Variants in SNTG1 observed in about 807,000 individuals in gnomAD.
The protein encoded by SNTG1 is syntrophin gamma 1.
SNTG1 carries 39 observed loss-of-function variants against 74.7 expected under a neutral mutation model. The observed-to-expected ratio is 0.52, with a 90% CI of 0.40 to 0.68. The LOEUF is 0.68. SNTG1 is among the 30% of genes least tolerant of loss of function. SNTG1 has a pLI of 0.00. For missense variants in SNTG1, 685 were observed against 609.5 expected (o/e 1.12, Z -1.30); for synonymous variants, 254 against 217.1 (o/e 1.17, Z -1.49).
intron 1 of SNTG1, among the ~76,000 whole-genome samples, chr8:50,000,346 C>T (rs537041882): frequency 1.4e-4 from 22 of 152,224 alleles, no homozygotes; most frequent in African/African-American, 4.8e-4. Flanking sequence ...CTATCAAGCT[C>T]TATTCCTCCG....
intron 8 of SNTG1, among the ~76,000 whole-genome samples, chr8:50,471,429 T>G (rs2131747090): frequency 6.6e-6 from 1 of 152,288 alleles, no homozygotes; most frequent in Non-Finnish European, 1.5e-5. Context: ...TACTACAACC[T>G]TATTAGAATG....
At chr8:50,114,244 T>TA (rs1370170684) in intron 1 of SNTG1, among the ~76,000 whole-genome samples, 2 of 152,286 alleles carry the variant, frequency 1.3e-5, no homozygotes, top group Admixed American at 6.5e-5. Context: ...GGTAATTATC[T>TA]AAAAAATAAA....
chr8:50,479,496 G>A (rs1009752074), intron 8 of SNTG1, among the ~76,000 whole-genome samples: 31 of 151,986 alleles, frequency 2.0e-4, no homozygotes, highest in Admixed American at 4.6e-4. Flanking sequence ...GAATATTCTC[G>A]GTTTCTTTCT....
Position 50,731,098 on chromosome 8 carries a change from T to C in SNTG1, c.1285-20903T>C, listed in dbSNP as rs183933680. Among the ~76,000 whole-genome samples the C allele has an allele frequency of 9.1e-4, 138 of 152,236 alleles. 2 individuals carry two copies. Among genetic ancestry groups the C allele is most frequent in the Middle Eastern group, 6.8e-3 (2 of 294 alleles). On this transcript the variant is annotated intron_variant, in intron 17 of 18. Coordinates refer to ENST00000642720, the MANE Select transcript of SNTG1 (RefSeq NM_018967.5). Reference sequence around the variant, plus strand: ...ATAAAATTCAGATTACATTTTAGGGTTTGTGGCTCTGAGCTCAGTATTCAT... The same window carrying C: ...ATAAAATTCAGATTACATTTTAGGGCTTGTGGCTCTGAGCTCAGTATTCAT...
At chr8:50,382,848 C>A (rs1007869739) in intron 2 of SNTG1, among the ~76,000 whole-genome samples, 9 of 152,236 alleles carry the variant, frequency 5.9e-5, no homozygotes, top group African/African-American at 2.2e-4. Flanking sequence ...TGTGGGCTGG[C>A]AAGTCCAAAT....
chr8:50,050,502 T>A (rs143917901), intron 1 of SNTG1, among the ~76,000 whole-genome samples: 1 of 152,080 alleles, frequency 6.6e-6, no homozygotes, highest in South Asian at 2.1e-4. Context: ...TGTGTTTACT[T>A]GTGTATTCTT....
intron 18 of SNTG1, among the ~76,000 whole-genome samples, chr8:50,752,657 T>G (rs2095570587): frequency 1.3e-5 from 2 of 151,934 alleles, no homozygotes; most frequent in African/African-American, 4.8e-5. Flanking sequence ...ACATGAAAGC[T>G]CAATATAATT....
intron 15 of SNTG1, among the ~76,000 whole-genome samples, chr8:50,688,208 C>T (rs1234868651): frequency 6.6e-6 from 1 of 152,062 alleles, no homozygotes; most frequent in Admixed American, 6.5e-5. Flanking sequence ...CTCTAGGTTG[C>T]CTGTTCACTC....
chr8:50,333,059 T>C (rs916434285), intron 2 of SNTG1, among the ~76,000 whole-genome samples: 1 of 152,210 alleles, frequency 6.6e-6, no homozygotes, highest in South Asian at 2.1e-4. Flanking sequence ...TATGAAGATA[T>C]AAAAAACAAA....
chr8:50,502,807 A>G lies in SNTG1; in HGVS notation c.393A>G (p.Glu131=). ...VVQVLRNAGE[E]VTLTVSFLKR... is the part of the protein sequence containing the mutation. ...AGGTTCTTCGGAATGCTGGAGAAGA[A>G]GTGACTCTAACAGTGTCATTTTTAA... The change falls in exon 9 of 19, where the codon GAA becomes GAG. Residue 131 remains glutamate (E), a synonymous_variant. Coordinates refer to ENST00000642720, the MANE Select transcript of SNTG1 (RefSeq NM_018967.5). 6.2e-7 allele frequency: 1 copy of G among 1,613,208 alleles called. No individual in the cohort carries two copies. Among genetic ancestry groups the G allele is most frequent in the Non-Finnish European group, 8.5e-7 (1 of 1,179,480 alleles).
At chr8:50,081,568 A>T (rs1221183703) in intron 1 of SNTG1, among the ~76,000 whole-genome samples, 2 of 151,840 alleles carry the variant, frequency 1.3e-5, no homozygotes, top group East Asian at 3.9e-4. Flanking sequence ...GCTATGCATC[A>T]TATATGGTGT....
chr8:50,591,659 G>A (rs1188544346), intron 13 of SNTG1, among the ~76,000 whole-genome samples: 2 of 152,054 alleles, frequency 1.3e-5, no homozygotes, highest in African/African-American at 4.8e-5. Context: ...CTTGTTCTTT[G>A]GAATACAGAA....
chr8:50,283,482 A>G (rs942085918), intron 2 of SNTG1, among the ~76,000 whole-genome samples: 8 of 152,244 alleles, frequency 5.3e-5, no homozygotes, highest in Non-Finnish European at 1.0e-4. Flanking sequence ...TTATAATGCA[A>G]TTGACACTCA....
At chr8:50,007,345 C>G (rs1254443544) in intron 1 of SNTG1, among the ~76,000 whole-genome samples, 1 of 151,936 alleles carries the variant, frequency 6.6e-6, no homozygotes, top group Non-Finnish European at 1.5e-5. Context: ...CTCCTTGGGT[C>G]GTCTTTCATT....
chr8:50,110,790 A>G (rs1387431542), intron 1 of SNTG1, among the ~76,000 whole-genome samples: 1 of 151,932 alleles, frequency 6.6e-6, no homozygotes, highest in African/African-American at 2.4e-5. Flanking sequence ...AAGTGAATGA[A>G]TGTGGTCATG....
chr8:50,036,528 A>C (rs2130788656), intron 1 of SNTG1, among the ~76,000 whole-genome samples: 1 of 152,276 alleles, frequency 6.6e-6, no homozygotes, highest in African/African-American at 2.4e-5. Flanking sequence ...ACTGCACTCT[A>C]TCATCCCAGC....
chr8:50,305,397 TC>T (rs2089846334), intron 2 of SNTG1, among the ~76,000 whole-genome samples: 1 of 152,092 alleles, frequency 6.6e-6, no homozygotes, highest in East Asian at 1.9e-4. Flanking sequence ...CTAGAATGTG[TC>T]TTCTTGGTGT....
At chr8:50,669,760 A>G (rs2131335640) in intron 15 of SNTG1, among the ~76,000 whole-genome samples, 2 of 152,298 alleles carry the variant, frequency 1.3e-5, no homozygotes, top group Admixed American at 1.3e-4. Context: ...TTAGACTAAT[A>G]TCCTTGATGA....
chr8:50,226,185 T>C (rs2085318708), intron 2 of SNTG1, among the ~76,000 whole-genome samples: 1 of 152,174 alleles, frequency 6.6e-6, no homozygotes, highest in African/African-American at 2.4e-5. Flanking sequence ...TTTTTTTATC[T>C]TACCCAAATT....
Sources: gnomAD v4.1 joint callset for allele counts (sites outside exome capture counted in the v4.1 genomes callset) on GRCh38, gnomAD v4.1.1 for gene constraint, MANE v1.5 for transcripts, NCBI Gene and HGNC (gene_info 2026-07-23, HGNC 2026-07-21) for gene names.